CEP112: variants seen among roughly 807,000 people sequenced by gnomAD.
CEP112 encodes centrosomal protein of 112 kDa.
In CEP112, 127 loss-of-function variants were observed where a neutral mutation model predicts 153.0. The observed-to-expected ratio is 0.83, with a 90% CI of 0.72 to 0.96. The LOEUF (loss-of-function observed/expected upper bound fraction) is 0.96, where lower values mean the gene tolerates loss of function less well. Ranked by LOEUF, CEP112 falls within the 40% of genes least tolerant of loss-of-function variation. The pLI is 0.00. For synonymous variants in CEP112, 358 were observed against 374.4 expected, an observed-to-expected ratio of 0.96 and a Z score of 0.51; for missense variants, 1,089 against 1,101.2, an observed-to-expected ratio of 0.99 and a Z score of 0.16.
intron 18 of CEP112, among the ~76,000 whole-genome samples, chr17:65,948,938 G>A: frequency 6.6e-6 from 1 of 152,122 alleles, no homozygotes; most frequent in East Asian, 1.9e-4. Flanking sequence ...CTACAGCTCT[G>A]CTGGCTTTTA....
intron 18 of CEP112, 50 bp downstream of exon 18, chr17:65,961,413 T>A (rs752988385): frequency 6.6e-7 from 1 of 1,518,932 alleles, no homozygotes; most frequent in Non-Finnish European, 9.0e-7. Context: ...GAATGTACCT[T>A]CCTACTGAGA....
intron 22 of CEP112, among the ~76,000 whole-genome samples, chr17:65,743,822 C>T (rs771375661): frequency 5.0e-4 from 76 of 150,724 alleles, no homozygotes; most frequent in Admixed American, 1.5e-3. Flanking sequence ...AGTGCAATGG[C>T]GTGATCTTGG....
intron 23 of CEP112, among the ~76,000 whole-genome samples, chr17:65,711,115 T>C (rs923872498): frequency 1.3e-5 from 2 of 152,170 alleles, no homozygotes; most frequent in Admixed American, 6.6e-5. Flanking sequence ...TTTGAACCCA[T>C]GTTTTCATCT....
At chr17:65,675,819 A>G (rs747788116) in intron 24 of CEP112, among the ~76,000 whole-genome samples, 14 of 151,900 alleles carry the variant, frequency 9.2e-5, no homozygotes, top group Non-Finnish European at 1.9e-4. Context: ...AAACCTGTAA[A>G]TTTTACTGCA....
chr17:66,028,947 T>C (rs1177046747), intron 14 of CEP112, among the ~76,000 whole-genome samples, 176 bp downstream of exon 14: 2 of 152,136 alleles, frequency 1.3e-5, no homozygotes, highest in Non-Finnish European at 2.9e-5. Flanking sequence ...ATAGTAGACA[T>C]TTCGAATTTT....
intron 4 of CEP112, among the ~76,000 whole-genome samples, chr17:66,154,074 G>C (rs2071325776): frequency 6.6e-6 from 1 of 151,952 alleles, no homozygotes; most frequent in African/African-American, 2.4e-5. Context: ...ACCTATTCAG[G>C]AGGCTGAGGC....
chr17:65,809,823 A>T (rs1443038955), intron 21 of CEP112, among the ~76,000 whole-genome samples: 1 of 151,914 alleles, frequency 6.6e-6, no homozygotes, highest in Non-Finnish European at 1.5e-5. Flanking sequence ...GAGACTGCAC[A>T]AGATGAGTTA....
intron 21 of CEP112, among the ~76,000 whole-genome samples, chr17:65,762,429 A>G (rs1473345816): frequency 6.6e-6 from 1 of 152,048 alleles, no homozygotes; most frequent in Non-Finnish European, 1.5e-5. Context: ...ATTGACATCC[A>G]AAGTGATTAC....
At chr17:65,956,598 T>C (rs1314665593) in intron 18 of CEP112, among the ~76,000 whole-genome samples, 2 of 132,460 alleles carry the variant, frequency 1.5e-5, no homozygotes, top group African/African-American at 5.2e-5. Context: ...ATAAGAATGA[T>C]ACAATAAACT....
At chr17:66,062,477 T>A (rs752025870) in intron 11 of CEP112, among the ~76,000 whole-genome samples, 1 of 152,088 alleles carries the variant, frequency 6.6e-6, no homozygotes, top group Non-Finnish European at 1.5e-5. Flanking sequence ...TATCAGTATA[T>A]AAAGTATCTA....
intron 23 of CEP112, among the ~76,000 whole-genome samples, chr17:65,726,846 T>C (rs925600020): frequency 2.6e-5 from 4 of 152,218 alleles, no homozygotes; most frequent in Non-Finnish European, 5.9e-5. Flanking sequence ...ATATTAGCAA[T>C]CTTGCCTCAT....
intron 24 of CEP112, 125 bp downstream of exon 24, chr17:65,689,004 G>A: frequency 1.6e-6 from 1 of 632,050 alleles, no homozygotes; most frequent in Non-Finnish European, 2.9e-6. Flanking sequence ...CTAACTTCAG[G>A]TGATCCACCC....
chr17:65,892,081 T>C (rs1333667779), intron 20 of CEP112, among the ~76,000 whole-genome samples: 1 of 152,200 alleles, frequency 6.6e-6, no homozygotes, highest in East Asian at 1.9e-4. Context: ...TACTGGTCTA[T>C]CTTGCACTGG....
intron 21 of CEP112, among the ~76,000 whole-genome samples, chr17:65,763,193 C>T (rs926499629): frequency 1.3e-5 from 2 of 151,974 alleles, no homozygotes; most frequent in African/African-American, 2.4e-5. Flanking sequence ...CCTTTTTATA[C>T]GTAAGGTGTT....
intron 21 of CEP112, among the ~76,000 whole-genome samples, chr17:65,794,303 T>C (rs934420292): frequency 6.6e-6 from 1 of 152,236 alleles, no homozygotes; most frequent in African/African-American, 2.4e-5. Context: ...ATTAAAAGAA[T>C]AGACAAATGA....
intron 24 of CEP112, among the ~76,000 whole-genome samples, chr17:65,656,141 G>GT (rs1459669376): frequency 6.6e-6 from 1 of 152,146 alleles, no homozygotes; most frequent in Non-Finnish European, 1.5e-5. Flanking sequence ...TGAGGGCCTG[G>GT]TAACATGATC....
At chr17:66,189,274 GC>G (rs1568599711) in intron 1 of CEP112, among the ~76,000 whole-genome samples, 1 of 152,162 alleles carries the variant, frequency 6.6e-6, no homozygotes, top group East Asian at 1.9e-4. Context: ...GCTGAGGCAG[GC>G]GGATAACTTG....
intron 20 of CEP112, among the ~76,000 whole-genome samples, chr17:65,883,357 C>G (rs1411734316): frequency 6.6e-6 from 1 of 151,382 alleles, no homozygotes; most frequent in African/African-American, 2.4e-5. Context: ...TGTGTGTATA[C>G]ACACACATAC....
chr17:65,776,298 A>C (rs1359281955), intron 21 of CEP112, among the ~76,000 whole-genome samples: 1 of 152,046 alleles, frequency 6.6e-6, no homozygotes, highest in African/African-American at 2.4e-5. Flanking sequence ...GCAGTGGTGC[A>C]ATCTCGGCTT....
Sources: gnomAD v4.1 joint callset for allele counts (sites outside exome capture counted in the v4.1 genomes callset) on GRCh38, gnomAD v4.1.1 for gene constraint, MANE v1.5 for transcripts, NCBI Gene and HGNC (gene_info 2026-07-23, HGNC 2026-07-21) for gene names.